The following SGCZ variants were observed in gnomAD, a reference collection of about 807,000 sequenced individuals.
The protein encoded by SGCZ is zeta-sarcoglycan.
In SGCZ, 40 loss-of-function variants were observed where a neutral mutation model predicts 41.3. That is an observed-to-expected ratio of 0.97 (90% confidence interval 0.75 to 1.26). The LOEUF is 1.26. SGCZ is among the 50% of genes most tolerant of loss of function. SGCZ has a pLI of 0.00. For synonymous variants in SGCZ, 206 were observed against 137.5 expected (o/e 1.50, Z -3.49); for missense variants, 552 against 369.8 (o/e 1.49, Z -4.04).
chr8:14,282,895 G>A (rs1800496226), intron 3 of SGCZ, among the ~76,000 whole-genome samples: 1 of 119,560 alleles, frequency 8.4e-6, no homozygotes, highest in Non-Finnish European at 1.6e-5. Flanking sequence ...TGTCACCCAG[G>A]CTGGAGTGTA....
intron 2 of SGCZ, among the ~76,000 whole-genome samples, chr8:14,460,283 T>C (rs1194715031): frequency 6.6e-6 from 1 of 152,214 alleles, no homozygotes; most frequent in Admixed American, 6.5e-5. Flanking sequence ...GAATGAAAAC[T>C]GTCCAAGCTA....
At chr8:14,897,302 A>G (rs1585359416) in intron 1 of SGCZ, among the ~76,000 whole-genome samples, 1 of 152,208 alleles carries the variant, frequency 6.6e-6, no homozygotes, top group Non-Finnish European at 1.5e-5. Flanking sequence ...CTTCTCTAGA[A>G]AGTTCCCATC....
At chr8:14,212,381 G>A (rs141232696) in intron 4 of SGCZ, among the ~76,000 whole-genome samples, 1,749 of 149,928 alleles carry the variant, frequency 0.012, 15 homozygotes, top group Non-Finnish European at 0.018. Flanking sequence ...GTTTTCTCAC[G>A]TAACACCAGA....
chr8:14,992,526 C>T (rs189963544), intron 1 of SGCZ, among the ~76,000 whole-genome samples: 214 of 149,146 alleles, frequency 1.4e-3, no homozygotes, highest in Non-Finnish European at 2.7e-3. Context: ...TCACCCTCAA[C>T]TATTCAACTC....
At chr8:14,333,563 G>A (rs1261605457) in intron 2 of SGCZ, among the ~76,000 whole-genome samples, 1 of 151,930 alleles carries the variant, frequency 6.6e-6, no homozygotes, top group African/African-American at 2.4e-5. Flanking sequence ...GAAAACCATT[G>A]CATGATATAC....
chr8:14,243,733 T>C (rs531900871), intron 3 of SGCZ, among the ~76,000 whole-genome samples: 9 of 152,148 alleles, frequency 5.9e-5, no homozygotes, highest in Admixed American at 1.3e-4. Context: ...GGAAAAAGTA[T>C]AGACATTTTT....
chr8:14,100,164 C>G (rs1801969182), intron 7 of SGCZ, among the ~76,000 whole-genome samples: 1 of 151,544 alleles, frequency 6.6e-6, no homozygotes, highest in South Asian at 2.1e-4. Flanking sequence ...CCTTTCTGTA[C>G]TTTTATTTTG....
At chr8:14,527,213 G>C (rs1026688364) in intron 2 of SGCZ, among the ~76,000 whole-genome samples, 1 of 152,156 alleles carries the variant, frequency 6.6e-6, no homozygotes, top group Admixed American at 6.5e-5. Flanking sequence ...TATGAAACAA[G>C]CTTCAGTAAA....
At chr8:14,476,175 G>T (rs1216642225) in intron 2 of SGCZ, among the ~76,000 whole-genome samples, 2 of 152,130 alleles carry the variant, frequency 1.3e-5, no homozygotes, top group East Asian at 1.9e-4. Context: ...GGGAGTTTTT[G>T]TGAGAGTGTT....
At chr8:15,193,758 T>G (rs1324302632) in intron 1 of SGCZ, among the ~76,000 whole-genome samples, 1 of 152,208 alleles carries the variant, frequency 6.6e-6, no homozygotes, top group Admixed American at 6.5e-5. Context: ...CTTCAATATA[T>G]GAAAATATAA....
At chr8:15,117,372 G>T (rs539695308) in intron 1 of SGCZ, among the ~76,000 whole-genome samples, 8 of 151,730 alleles carry the variant, frequency 5.3e-5, no homozygotes, top group Non-Finnish European at 8.8e-5. Flanking sequence ...AAAAAAAAAA[G>T]TATAAATGTA....
At chr8:15,080,696 T>C (rs1351862103) in intron 1 of SGCZ, among the ~76,000 whole-genome samples, 2 of 152,084 alleles carry the variant, frequency 1.3e-5, no homozygotes, top group East Asian at 3.9e-4. Context: ...GTTCAAGCGA[T>C]TGTGCTGCCT....
In SGCZ at chr8:15,153,535, TG is replaced by T. The variant is rs142608342; in HGVS notation, c.39+84049del. Among the ~76,000 whole-genome samples the T allele has an allele frequency of 6.0e-3, 909 of 152,082 alleles. 22 individuals carry two copies. The East Asian group carries it at 0.077, about 13-fold the overall frequency. On this transcript the variant is annotated intron_variant, in intron 1 of 7. Transcript: ENST00000382080. ...GAAATGTAACCCCCAATGATGGAGG[TG>T]GGGCCGGGTAGAAGGTATTTTGATC...
At chr8:14,886,030 T>TATATATATATATATAC (rs1554517469) in intron 1 of SGCZ, among the ~76,000 whole-genome samples, 1 of 98,944 alleles carries the variant, frequency 1.0e-5, no homozygotes, top group Non-Finnish European at 2.1e-5. Flanking sequence ...TATATATATA[T>TATATATATATATATAC]ATATAAAATT....
chr8:14,541,005 T>C (rs1029997171), intron 2 of SGCZ, among the ~76,000 whole-genome samples: 3 of 151,012 alleles, frequency 2.0e-5, no homozygotes, highest in Non-Finnish European at 3.0e-5. Context: ...TATGTATATA[T>C]AGAGATGAGA....
chr8:14,257,522 G>C (rs2117223843), intron 3 of SGCZ, among the ~76,000 whole-genome samples: 1 of 151,424 alleles, frequency 6.6e-6, no homozygotes, highest in South Asian at 2.1e-4. Flanking sequence ...TAGGGTACAT[G>C]TGCACAACAC....
intron 2 of SGCZ, among the ~76,000 whole-genome samples, chr8:14,498,979 C>T (rs1802071197): frequency 1.3e-5 from 2 of 151,884 alleles, no homozygotes; most frequent in African/African-American, 4.8e-5. Context: ...TCCAGTTATG[C>T]TAGAAAATAC....
intron 1 of SGCZ, among the ~76,000 whole-genome samples, chr8:15,197,682 C>G (rs1800772893): frequency 6.6e-6 from 1 of 152,076 alleles, no homozygotes; most frequent in African/African-American, 2.4e-5. Context: ...GGCGTCCAAC[C>G]CCACAATGCC....
intron 1 of SGCZ, among the ~76,000 whole-genome samples, chr8:14,814,117 G>A (rs1333995936): frequency 1.3e-5 from 2 of 152,106 alleles, no homozygotes; most frequent in African/African-American, 4.8e-5. Context: ...TTAAGAACAG[G>A]ATATAGGAAA....
Sources: allele counts gnomAD v4.1 joint callset (sites outside exome capture counted in the v4.1 genomes callset), GRCh38; gene constraint gnomAD v4.1.1; transcripts MANE v1.5; gene names NCBI Gene and HGNC (gene_info 2026-07-23, HGNC 2026-07-21).